NXPH2: variants seen among roughly 807,000 people sequenced by gnomAD.
NXPH2 encodes the protein neurexophilin-2.
NXPH2 carries 5 observed loss-of-function variants against 19.8 expected under a neutral mutation model. The ratio of observed to expected loss-of-function variants is 0.25; its 90% CI spans 0.13 to 0.53. The LOEUF (loss-of-function observed/expected upper bound fraction) is 0.53. Among genes scored for constraint, NXPH2 ranks in the 20% least tolerant of loss-of-function variants. The probability of loss-of-function intolerance (pLI) is 0.96; values close to 1 mark genes in which losing one functional copy is unlikely to be tolerated. For missense variants in NXPH2, 289 were observed against 322.8 expected, an observed-to-expected ratio of 0.90 and a Z score of 0.80; for synonymous variants, 154 against 127.4, an observed-to-expected ratio of 1.21 and a Z score of -1.41.
rs138132257 is a variant in NXPH2 at position 138,693,196 on chromosome 2, T to C, written c.52-21531A>G. Among the ~76,000 whole-genome samples the C allele has an allele frequency of 1.1e-4, 16 of 152,294 alleles. No individual in the cohort carries two copies. The East Asian group carries it at 1.5e-3, about 15-fold the overall frequency. ...AGTGGCCATCTGTTCTGGTCATCAT[T>C]GTCAGTTACAAGAAAGCTAAAGAAT... is the stretch of plus-strand genomic sequence containing the variant. On this transcript the variant is annotated intron_variant, in intron 1 of 1. Coordinates refer to ENST00000272641, the MANE Select transcript of NXPH2 (RefSeq NM_007226.3).
intron 1 of NXPH2, among the ~76,000 whole-genome samples, chr2:138,713,380 C>A (rs1357190959): frequency 6.6e-6 from 1 of 152,144 alleles, no homozygotes; most frequent in East Asian, 1.9e-4. Context: ...CCCCAGCCAT[C>A]TTTAGAAGCT....
intron 1 of NXPH2, among the ~76,000 whole-genome samples, chr2:138,696,773 C>T (rs1049537448): frequency 6.6e-6 from 1 of 152,154 alleles, no homozygotes; most frequent in African/African-American, 2.4e-5. Context: ...GAAATGAGTA[C>T]ATATGTCTAA....
chr2:138,770,812 G>T (rs866897915), intron 1 of NXPH2, among the ~76,000 whole-genome samples: 4 of 151,816 alleles, frequency 2.6e-5, no homozygotes, highest in Admixed American at 6.6e-5. Context: ...AAATTTAAAG[G>T]CTGTAAAAAA....
intron 1 of NXPH2, among the ~76,000 whole-genome samples, chr2:138,689,029 T>A (rs1358918395): frequency 1.3e-5 from 2 of 152,254 alleles, no homozygotes; most frequent in Non-Finnish European, 2.9e-5. Context: ...TAAGCTCCAA[T>A]GCCATTTCAA....
At position 138,744,031 on chromosome 2, in the gene NXPH2, G is replaced by A. The variant is rs148550884; in HGVS notation, c.51+36160C>T. ...AAAAAAAAAAAAAAAAAGACAGAAG[G>A]TATCCTGTTATTTTCATTAATTTAT... On this transcript the variant is annotated intron_variant, in intron 1 of 1. Transcript: ENST00000272641. 2.6e-3 allele frequency among the ~76,000 whole-genome samples: 391 copies of A among 147,818 alleles called. 3 individuals carry two copies. Among genetic ancestry groups the A allele is most frequent in the African/African-American group, 9.1e-3 (367 of 40,444 alleles).
At chr2:138,724,751 G>A (rs1229228819) in intron 1 of NXPH2, among the ~76,000 whole-genome samples, 1 of 152,220 alleles carries the variant, frequency 6.6e-6, no homozygotes, top group Non-Finnish European at 1.5e-5. Flanking sequence ...GTCCAAATGT[G>A]TGTCTGTTAG....
At chr2:138,775,301 A>G (rs1438263533) in intron 1 of NXPH2, among the ~76,000 whole-genome samples, 2 of 152,198 alleles carry the variant, frequency 1.3e-5, no homozygotes, top group African/African-American at 2.4e-5. Flanking sequence ...CTAGATTTTC[A>G]TAAGTTAAAA....
At chr2:138,694,957 G>T (rs1680807548) in intron 1 of NXPH2, among the ~76,000 whole-genome samples, 1 of 152,118 alleles carries the variant, frequency 6.6e-6, no homozygotes, top group Admixed American at 6.6e-5. Context: ...AGGCTATATG[G>T]TATGTAGTAA....
chr2:138,698,683 G>T (rs750439136), intron 1 of NXPH2, among the ~76,000 whole-genome samples: 1 of 152,048 alleles, frequency 6.6e-6, no homozygotes, highest in African/African-American at 2.4e-5. Flanking sequence ...GGCAAAACTC[G>T]TCTTTACAAA....
Position 138,764,169 on chromosome 2 carries a change from C to A in NXPH2, c.51+16022G>T, listed in dbSNP as rs761733078. Among the ~76,000 whole-genome samples the A allele has an allele frequency of 5.6e-4, 85 of 152,166 alleles. 1 individual carries two copies. The highest frequency in any genetic ancestry group is 9.8e-4 in the Admixed American group (15 of 15,286). Reference sequence around the variant, plus strand: ...GGAGAGGTCTGCAAATGCTGTAAAACCCTCTCATGACCTAAGGCATTCCCC... The same window carrying A: ...GGAGAGGTCTGCAAATGCTGTAAAAACCTCTCATGACCTAAGGCATTCCCC... On this transcript the variant is annotated intron_variant, in intron 1 of 1. Transcript: ENST00000272641.
At chr2:138,707,366 A>T (rs1460468259) in intron 1 of NXPH2, among the ~76,000 whole-genome samples, 1 of 152,192 alleles carries the variant, frequency 6.6e-6, no homozygotes, top group East Asian at 1.9e-4. Flanking sequence ...ATAATTTGTG[A>T]AAGAATGAAC....
chr2:138,753,517 G>A (rs191989929), intron 1 of NXPH2, among the ~76,000 whole-genome samples: 302 of 152,236 alleles, frequency 2.0e-3, no homozygotes, highest in Non-Finnish European at 3.4e-3. Context: ...CATGCTCATT[G>A]CTACTGGAGT....
chr2:138,750,414 T>A (rs536961686), intron 1 of NXPH2, among the ~76,000 whole-genome samples: 1 of 151,810 alleles, frequency 6.6e-6, no homozygotes, highest in Non-Finnish European at 1.5e-5. Context: ...TTCATCATTT[T>A]GGGGTACTAA....
At chr2:138,695,717 A>C (rs1680819784) in intron 1 of NXPH2, among the ~76,000 whole-genome samples, 1 of 152,180 alleles carries the variant, frequency 6.6e-6, no homozygotes, top group Non-Finnish European at 1.5e-5. Flanking sequence ...TTGTCAGATA[A>C]AGAGATTTTA....
At chr2:138,745,215 T>C (rs925840695) in intron 1 of NXPH2, among the ~76,000 whole-genome samples, 35 of 152,082 alleles carry the variant, frequency 2.3e-4, no homozygotes, top group African/African-American at 8.5e-4. Flanking sequence ...AAAGGAGAAG[T>C]AGAGTGAGGG....
intron 1 of NXPH2, among the ~76,000 whole-genome samples, chr2:138,734,725 G>A (rs893010465): frequency 1.3e-5 from 2 of 152,146 alleles, no homozygotes; most frequent in Non-Finnish European, 2.9e-5. Context: ...TGGAAAATGG[G>A]GTGAAGAAAG....
chr2:138,759,039 C>T lies in NXPH2; in HGVS notation c.51+21152G>A, dbSNP rs557864314. 9.9e-5 allele frequency among the ~76,000 whole-genome samples: 15 copies of T among 152,262 alleles called. No individual in the cohort carries two copies. The South Asian group carries it at 2.9e-3, about 29-fold the overall frequency. On this transcript the variant is annotated intron_variant, in intron 1 of 1. Coordinates refer to ENST00000272641, the MANE Select transcript of NXPH2 (RefSeq NM_007226.3). ...GGGGAGTAATAGATTGACATTTGAA[C>T]ACTCTTTTTAACTTCTTTTGAACTT...
At chr2:138,698,850 T>C (rs943316414) in intron 1 of NXPH2, among the ~76,000 whole-genome samples, 2 of 152,122 alleles carry the variant, frequency 1.3e-5, no homozygotes, top group African/African-American at 4.8e-5. Flanking sequence ...AGAGATTGCA[T>C]CTCTAAAGTA....
intron 1 of NXPH2, among the ~76,000 whole-genome samples, chr2:138,738,300 G>T (rs1461216283): frequency 6.6e-6 from 1 of 152,040 alleles, no homozygotes; most frequent in Non-Finnish European, 1.5e-5. Flanking sequence ...GCTCATGGAG[G>T]TATACTGGTA....
Sources: gnomAD v4.1 joint callset for allele counts (sites outside exome capture counted in the v4.1 genomes callset) on GRCh38, gnomAD v4.1.1 for gene constraint, MANE v1.5 for transcripts, NCBI Gene and HGNC (gene_info 2026-07-23, HGNC 2026-07-21) for gene names.